Variants in CADM1 observed in about 807,000 individuals in gnomAD.
CADM1 encodes the protein TSLC-1.
A neutral mutation model predicts 53.1 loss-of-function variants in CADM1; 15 were observed. The observed-to-expected ratio is 0.28, with a 90% CI of 0.19 to 0.44. CADM1 has a LOEUF of 0.44. Among genes scored for constraint, CADM1 ranks in the 20% least tolerant of loss-of-function variants. The probability of loss-of-function intolerance (pLI) is 1.00; values close to 1 mark genes in which losing one functional copy is unlikely to be tolerated. For synonymous variants in CADM1, 281 were observed against 243.0 expected (o/e 1.16, Z -1.45); for missense variants, 434 against 611.3 (o/e 0.71, Z 3.06).
intron 1 of CADM1, chr11:115,377,220 C>T (rs949194920): frequency 2.0e-5 from 3 of 152,070 alleles, no homozygotes; most frequent in Non-Finnish European, 4.4e-5. Flanking sequence ...CTTTGTGCAT[C>T]ACCTACAACA....
intron 3 of CADM1, among the ~76,000 whole-genome samples, chr11:115,237,205 C>A (rs929543081): frequency 2.6e-5 from 4 of 152,072 alleles, no homozygotes; most frequent in Non-Finnish European, 5.9e-5. Flanking sequence ...TGCAAAATAC[C>A]AAAATAGTCA....
intron 1 of CADM1, among the ~76,000 whole-genome samples, chr11:115,490,620 G>C (rs1949474268): frequency 6.6e-6 from 1 of 152,028 alleles, no homozygotes; most frequent in African/African-American, 2.4e-5. Context: ...GGCCGATCTC[G>C]AACTCCTGAC....
At chr11:115,394,022 G>A (rs1946919700) in intron 1 of CADM1, among the ~76,000 whole-genome samples, 1 of 152,148 alleles carries the variant, frequency 6.6e-6, no homozygotes, top group Non-Finnish European at 1.5e-5. Context: ...CTTTTTCATA[G>A]TATGTACAGG....
At chr11:115,317,051 T>G (rs916807215) in intron 1 of CADM1, among the ~76,000 whole-genome samples, 1 of 152,108 alleles carries the variant, frequency 6.6e-6, no homozygotes, top group African/African-American at 2.4e-5. Flanking sequence ...GAAGCACACT[T>G]AAACACCTAG....
Position 115,396,083 on chromosome 11 carries a change from A to G in CADM1, c.124+108188T>C, listed in dbSNP as rs117975084. On this transcript the variant is annotated intron_variant, in intron 1 of 11. Transcript: ENST00000331581. ...TGCCATCCAAATGGGAGACTGTCCCAGATACCAGATGATGAAGGGGCCCCT... is the reference window on the plus strand; with the variant it reads ...TGCCATCCAAATGGGAGACTGTCCCGGATACCAGATGATGAAGGGGCCCCT... Among the ~76,000 whole-genome samples, 28 of 152,294 alleles carry G rather than the reference A, an allele frequency of 1.8e-4. No homozygotes were observed. The East Asian group carries it at 4.8e-3, about 26-fold the overall frequency.
chr11:115,345,754 A>G (rs979376441), intron 1 of CADM1, among the ~76,000 whole-genome samples: 6 of 152,166 alleles, frequency 3.9e-5, no homozygotes, highest in Non-Finnish European at 8.8e-5. Flanking sequence ...GCCAGTGGCT[A>G]GGGGGACATT....
intron 5 of CADM1, among the ~76,000 whole-genome samples, chr11:115,222,761 A>C (rs1941453362): frequency 6.6e-6 from 1 of 152,134 alleles, no homozygotes. Flanking sequence ...TACTGTTTAC[A>C]AAAAAGAATC....
Position 115,286,329 on chromosome 11 carries a change from C to T in CADM1, c.125-45909G>A, listed in dbSNP as rs551582311. On this transcript the variant is annotated intron_variant, in intron 1 of 11. Coordinates refer to ENST00000331581, the MANE Select transcript of CADM1 (RefSeq NM_001301043.2). ...CCACATCAACACTCACACACTCACA[C>T]CCACACTCACACTCCAGAACAAATA... 3.1e-4 allele frequency among the ~76,000 whole-genome samples: 47 copies of T among 152,216 alleles called. No homozygotes were observed. In the East Asian group the frequency reaches 9.1e-3, roughly 29 times the overall value.
intron 1 of CADM1, among the ~76,000 whole-genome samples, chr11:115,372,306 T>C (rs913113534): frequency 1.3e-5 from 2 of 152,216 alleles, no homozygotes; most frequent in African/African-American, 4.8e-5. Flanking sequence ...CTTCTTCTAA[T>C]CATTTTTGAC....
rs1050157126 is a variant in CADM1 at position 115,439,202 on chromosome 11, C to A, written c.124+65069G>T. Among the ~76,000 whole-genome samples the A allele has an allele frequency of 6.7e-5, 10 of 149,996 alleles. No individual in the cohort carries two copies. The East Asian group carries it at 1.5e-3, about 23-fold the overall frequency. ...AGGCTAACCAGGTATCCATTACCACCAAAGAGAAAACTGGCCCAAAATGTA... is the reference window on the plus strand; with the variant it reads ...AGGCTAACCAGGTATCCATTACCACAAAAGAGAAAACTGGCCCAAAATGTA... On this transcript the variant is annotated intron_variant, in intron 1 of 11. Transcript: ENST00000331581.
chr11:115,321,775 C>T (rs926797930), intron 1 of CADM1, among the ~76,000 whole-genome samples: 4 of 152,110 alleles, frequency 2.6e-5, no homozygotes, highest in African/African-American at 4.8e-5. Flanking sequence ...GCAACAGTGG[C>T]GTGATACTCC....
chr11:115,256,473 G>A (rs1423480399), intron 1 of CADM1, among the ~76,000 whole-genome samples: 2 of 152,196 alleles, frequency 1.3e-5, no homozygotes, highest in East Asian at 3.9e-4. Context: ...TGGAGTCAGC[G>A]TGCCTTGTGC....
intron 1 of CADM1, among the ~76,000 whole-genome samples, chr11:115,352,801 G>A (rs779103281): frequency 2.0e-4 from 31 of 152,090 alleles, no homozygotes; most frequent in Non-Finnish European, 4.0e-4. Context: ...TCTTGCAGTC[G>A]AGGTAAGACA....
intron 5 of CADM1, among the ~76,000 whole-genome samples, chr11:115,225,240 C>T (rs773837473): frequency 4.1e-4 from 62 of 151,058 alleles, no homozygotes; most frequent in East Asian, 1.2e-3. Flanking sequence ...CAAACAAGAG[C>T]GGCTAATGCC....
chr11:115,490,477 C>T (rs1393514682), intron 1 of CADM1, among the ~76,000 whole-genome samples: 1 of 148,948 alleles, frequency 6.7e-6, no homozygotes, highest in African/African-American at 2.5e-5. Flanking sequence ...CAGCTCACTG[C>T]AAGCTCCGCC....
At chr11:115,455,350 G>A (rs1948660450) in intron 1 of CADM1, among the ~76,000 whole-genome samples, 1 of 151,828 alleles carries the variant, frequency 6.6e-6, no homozygotes, top group South Asian at 2.1e-4. Flanking sequence ...AAAGTGGAGG[G>A]TGGTGGCAAA....
chr11:115,254,426 C>T (rs1243520943), intron 1 of CADM1, among the ~76,000 whole-genome samples: 1 of 151,824 alleles, frequency 6.6e-6, no homozygotes, highest in Non-Finnish European at 1.5e-5. Flanking sequence ...GAAGCCAATA[C>T]TTTTCGATAT....
At chr11:115,210,161 A>C (rs1940892520) in intron 7 of CADM1, among the ~76,000 whole-genome samples, 1 of 152,244 alleles carries the variant, frequency 6.6e-6, no homozygotes, top group African/African-American at 2.4e-5. Context: ...CCCAGCAGGA[A>C]GTAAAACTAC....
intron 1 of CADM1, among the ~76,000 whole-genome samples, chr11:115,324,010 G>A (rs188839816): frequency 5.4e-4 from 72 of 133,914 alleles, no homozygotes; most frequent in African/African-American, 1.4e-3. Context: ...GAGTTCAGGA[G>A]AGGATCTGGG....
Sources: allele counts gnomAD v4.1 joint callset (sites outside exome capture counted in the v4.1 genomes callset), GRCh38; gene constraint gnomAD v4.1.1; transcripts MANE v1.5; gene names NCBI Gene and HGNC (gene_info 2026-07-23, HGNC 2026-07-21).